The following RFLNA variants were observed in gnomAD, a reference collection of about 807,000 sequenced individuals.
The protein encoded by RFLNA is refilin A.
In RFLNA, 5 loss-of-function variants were observed where a neutral mutation model predicts 7.8. That is an observed-to-expected ratio of 0.64 (90% confidence interval 0.34 to 1.35). RFLNA has a LOEUF of 1.35. RFLNA is among the 40% of genes most tolerant of loss of function. The pLI, the probability that RFLNA is intolerant of heterozygous loss-of-function variation, is 0.04. For synonymous variants in RFLNA, 141 were observed against 131.3 expected (o/e 1.07, Z -0.50); for missense variants, 278 against 305.5 (o/e 0.91, Z 0.67).
upstream of RFLNA, among the ~76,000 whole-genome samples, chr12:124,292,887 A>G (rs2033844971): frequency 6.6e-6 from 1 of 152,266 alleles, no homozygotes; most frequent in Non-Finnish European, 1.5e-5. Flanking sequence ...TTTAAAAGTC[A>G]AAATGGATGC....
chr12:124,314,384 C>A lies in RFLNA; in HGVS notation c.510C>A (p.Ile170=). Residue 170 remains isoleucine (I), a synonymous_variant, in exon 3 of 3, where the codon ATC becomes ATA. Coordinates refer to ENST00000546355, the MANE Select transcript of RFLNA (RefSeq NM_001365156.1). ...TGCGCTTCCGCAGCACCACCATCATCTTCCCCAAGCATGCCAGGAGCACTT... is the reference window on the plus strand; with the variant it reads ...TGCGCTTCCGCAGCACCACCATCATATTCCCCAAGCATGCCAGGAGCACTT... ...RALRFRSTTI[I]FPKHARSTFR... is the part of the protein sequence containing the mutation. The A allele has an allele frequency of 6.2e-7, 1 of 1,611,900 alleles. No homozygotes were observed. Among genetic ancestry groups the A allele is most frequent in the Non-Finnish European group, 8.5e-7 (1 of 1,179,934 alleles).
upstream of RFLNA, among the ~76,000 whole-genome samples, chr12:124,292,309 C>T (rs561895833): frequency 6.6e-5 from 10 of 152,328 alleles, no homozygotes; most frequent in African/African-American, 2.2e-4. Flanking sequence ...CTGGAGCAGA[C>T]ACCCCGATCT....
chr12:124,293,838 G>A (rs1298208921), upstream of RFLNA, among the ~76,000 whole-genome samples: 1 of 152,158 alleles, frequency 6.6e-6, no homozygotes, highest in African/African-American at 2.4e-5. Flanking sequence ...CACATGGTGC[G>A]CTAATTCTCA....
intron 1 of RFLNA, among the ~76,000 whole-genome samples, chr12:124,297,498 T>C (rs1372024023): frequency 1.3e-5 from 2 of 152,132 alleles, no homozygotes; most frequent in African/African-American, 4.8e-5. Context: ...TATATTCCCA[T>C]GAAGCCTACA....
At chr12:124,302,416 T>C (rs947678504) in intron 1 of RFLNA, among the ~76,000 whole-genome samples, 10 of 152,248 alleles carry the variant, frequency 6.6e-5, no homozygotes, top group African/African-American at 2.4e-4. Flanking sequence ...GGGCCCTTGA[T>C]AGTTCATGGC....
intron 1 of RFLNA, among the ~76,000 whole-genome samples, chr12:124,309,364 G>A (rs1221042300): frequency 6.6e-6 from 1 of 152,216 alleles, no homozygotes; most frequent in Non-Finnish European, 1.5e-5. Context: ...GAGCAGTGGG[G>A]GATTCAGGCA....
chr12:124,296,763 T>C (rs541851475), intron 1 of RFLNA, among the ~76,000 whole-genome samples: 61 of 152,290 alleles, frequency 4.0e-4, no homozygotes, highest in Non-Finnish European at 7.9e-4. Context: ...TTGGAGAATC[T>C]TTAAAACCCA....
At chr12:124,291,729 T>C (rs970474856), upstream of RFLNA, among the ~76,000 whole-genome samples, 1 of 151,794 alleles carries the variant, frequency 6.6e-6, no homozygotes, top group Non-Finnish European at 1.5e-5. Context: ...TTTTTTTTTT[T>C]CCTCAACACC....
intron 1 of RFLNA, 152 bp from the exon 2 acceptor site, chr12:124,311,665 GC>G: frequency 1.6e-6 from 1 of 636,652 alleles, no homozygotes; most frequent in Non-Finnish European, 2.5e-6. Context: ...TTCCTGATGG[GC>G]CCCACAAAGC....
At chr12:124,302,167 T>G (rs1356484739) in intron 1 of RFLNA, among the ~76,000 whole-genome samples, 6 of 152,184 alleles carry the variant, frequency 3.9e-5, no homozygotes, top group Non-Finnish European at 8.8e-5. Flanking sequence ...CTTGATCACA[T>G]GTGCAAAGAC....
At chr12:124,308,434 G>T (rs965415168) in intron 1 of RFLNA, among the ~76,000 whole-genome samples, 5 of 152,048 alleles carry the variant, frequency 3.3e-5, no homozygotes, top group Admixed American at 1.3e-4. Context: ...TGGGCTTTGG[G>T]GGGGGACCCT....
rs2135697269 is a variant in RFLNA, at chr12:124,314,533, G to A, written c.*8G>A. ...GGCCCTGCCACGCTCTGACGGGGCTGGGGCCGGCCCGGGGTGCTGGAGGAG... is the reference window on the plus strand; with the variant it reads ...GGCCCTGCCACGCTCTGACGGGGCTAGGGCCGGCCCGGGGTGCTGGAGGAG... On this transcript the variant is annotated 3_prime_UTR_variant, in exon 3 of 3. Transcript: ENST00000546355. 1 of 1,565,406 alleles carries A rather than the reference G, an allele frequency of 6.4e-7. No homozygotes were observed. The highest frequency in any genetic ancestry group is 2.3e-5 in the East Asian group (1 of 42,626).
rs1424680900 is a variant in RFLNA, at chr12:124,295,426, A to G, written c.-4A>G. ...GGGGGGCCCGCGCCCCGCGCCCCCCAGACATGGTGGGCCACCTGCATCTGC... is the reference window on the plus strand; with the variant it reads ...GGGGGGCCCGCGCCCCGCGCCCCCCGGACATGGTGGGCCACCTGCATCTGC... On this transcript the variant is annotated 5_prime_UTR_variant, in exon 1 of 3. Coordinates refer to ENST00000546355, the MANE Select transcript of RFLNA (RefSeq NM_001365156.1). The G allele has an allele frequency of 8.2e-7, 1 of 1,222,314 alleles. No homozygotes were observed. The highest frequency in any genetic ancestry group is 1.6e-5 in the African/African-American group (1 of 61,520). 75.7% of individuals were successfully genotyped at this position (1,222,314 alleles called of 1,614,324 possible). A position where few individuals can be genotyped will look rare whatever the true frequency, so the allele number is the denominator to read the frequency against.
intron 1 of RFLNA, among the ~76,000 whole-genome samples, chr12:124,308,414 TGCG>T (rs2034175146): frequency 1.3e-5 from 2 of 151,852 alleles, no homozygotes; most frequent in Admixed American, 1.3e-4. Context: ...CCACAGGGTC[TGCG>T]TGGACATGGG....
chr12:124,304,033 C>T (rs984589718), intron 1 of RFLNA, among the ~76,000 whole-genome samples: 3 of 152,252 alleles, frequency 2.0e-5, no homozygotes, highest in South Asian at 2.1e-4. Flanking sequence ...CTCGCTCCCG[C>T]GTGGCTGGAA....
Position 124,306,137 on chromosome 12 carries a change from G to C in RFLNA, c.208-5681G>C, listed in dbSNP as rs1023753314. ...GGCAGGGGCTGCTTTGCAGGTGTGG[G>C]GTCTCCCCTCCCCATAGTGCAGGGG... On this transcript the variant is annotated intron_variant, in intron 1 of 2. Transcript: ENST00000546355. This position sits in a 1 kb window ranked among gnomAD's most constrained non-coding sequence, Gnocchi z 5.2. Among the ~76,000 whole-genome samples the C allele has an allele frequency of 3.3e-5, 5 of 151,976 alleles. No individual in the cohort carries two copies. Among genetic ancestry groups the C allele is most frequent in the African/African-American group, 1.2e-4 (5 of 41,360 alleles).
intron 1 of RFLNA, among the ~76,000 whole-genome samples, chr12:124,309,603 A>G (rs982820468): frequency 7.9e-5 from 12 of 152,230 alleles, no homozygotes; most frequent in African/African-American, 2.2e-4. Flanking sequence ...TCTGAAAAAT[A>G]GGCGGGTTAT....
intron 1 of RFLNA, among the ~76,000 whole-genome samples, chr12:124,298,445 C>T (rs754325405): frequency 5.3e-5 from 8 of 152,194 alleles, no homozygotes; most frequent in Non-Finnish European, 8.8e-5. Context: ...GAACCCCCTC[C>T]CCACTCACCA....
In RFLNA at chr12:124,314,827, A is replaced by ACCCCC; in HGVS notation, c.*302_*303insCCCCC. 1 of 596,280 alleles carries ACCCCC rather than the reference A, an allele frequency of 1.7e-6. No homozygotes were observed. The highest frequency in any genetic ancestry group is 3.1e-6 in the Non-Finnish European group (1 of 317,486). The allele number at this position is 596,280 out of a possible 1,614,324, so 36.9% of individuals were successfully genotyped here. A position where few individuals can be genotyped will look rare whatever the true frequency, so the allele number is the denominator to read the frequency against. On this transcript the variant is annotated 3_prime_UTR_variant, in exon 3 of 3. Coordinates refer to ENST00000546355, the MANE Select transcript of RFLNA (RefSeq NM_001365156.1). ...GTGGCCACCCCCAGGGTCAGGGGAAAAGAATGGGTCCATGGAGTGCCCTTG... is the reference window on the plus strand; with the variant it reads ...GTGGCCACCCCCAGGGTCAGGGGAAACCCCCAGAATGGGTCCATGGAGTGCCCTTG...
Sources: gnomAD v4.1 joint callset for allele counts (sites outside exome capture counted in the v4.1 genomes callset) on GRCh38, gnomAD v4.1.1 for gene constraint, Gnocchi (gnomAD v3.1) non-coding constraint, MANE v1.5 for transcripts, NCBI Gene and HGNC (gene_info 2026-07-23, HGNC 2026-07-21) for gene names.